Variants in EYS observed in about 807,000 individuals in gnomAD.
The protein encoded by EYS is protein eyes shut homolog.
EYS carries 250 observed loss-of-function variants against 282.1 expected under a neutral mutation model. The observed-to-expected ratio is 0.89, with a 90% confidence interval of 0.80 to 0.98. EYS has a LOEUF of 0.98. Among genes scored for constraint, EYS ranks in the 50% least tolerant of loss-of-function variants. The pLI, the probability that EYS is intolerant of heterozygous loss-of-function variation, is 0.00. For missense variants in EYS, 4,016 were observed against 3,709.0 expected, an observed-to-expected ratio of 1.08 and a Z score of -2.15; for synonymous variants, 1,355 against 1,282.9, an observed-to-expected ratio of 1.06 and a Z score of -1.20.
chr6:65,699,997 C>A (rs947439086), intron 1 of EYS, among the ~76,000 whole-genome samples: 16 of 151,092 alleles, frequency 1.1e-4, no homozygotes, highest in African/African-American at 3.9e-4. Context: ...CGCCTGTAGT[C>A]CCAGCTAGTC....
At chr6:65,569,324 G>A (rs920476535) in intron 2 of EYS, among the ~76,000 whole-genome samples, 5 of 151,594 alleles carry the variant, frequency 3.3e-5, no homozygotes, top group Non-Finnish European at 7.4e-5. Flanking sequence ...ACTCTTTTTC[G>A]GACTCAGCCC....
At chr6:65,365,437 G>A (rs1030782568) in intron 8 of EYS, among the ~76,000 whole-genome samples, 1 of 151,618 alleles carries the variant, frequency 6.6e-6, no homozygotes, top group African/African-American at 2.4e-5. Flanking sequence ...CTCCCCCTGT[G>A]TGAGTGCGTA....
At chr6:64,597,668 G>T (rs981555614) in intron 24 of EYS, among the ~76,000 whole-genome samples, 3 of 151,216 alleles carry the variant, frequency 2.0e-5, no homozygotes, top group Non-Finnish European at 2.9e-5. Context: ...GTGTACATAT[G>T]GACATAGAGT....
At chr6:63,794,861 T>C (rs934905557) in intron 37 of EYS, among the ~76,000 whole-genome samples, 4 of 152,296 alleles carry the variant, frequency 2.6e-5, no homozygotes, top group African/African-American at 9.6e-5. Flanking sequence ...TGAATCTTAA[T>C]GAAATCAGCC....
chr6:65,382,784 G>T (rs1765667675), intron 8 of EYS, among the ~76,000 whole-genome samples: 1 of 151,846 alleles, frequency 6.6e-6, no homozygotes, highest in Admixed American at 6.6e-5. Flanking sequence ...ATGTTTTTCT[G>T]CCTGCTTTAT....
chr6:63,854,378 C>T (rs1185917217), intron 36 of EYS, among the ~76,000 whole-genome samples: 1 of 152,164 alleles, frequency 6.6e-6, no homozygotes, highest in Admixed American at 6.5e-5. Flanking sequence ...TCCACATGTT[C>T]TCACTTATAA....
intron 30 of EYS, among the ~76,000 whole-genome samples, chr6:64,285,269 A>T (rs1322699587): frequency 6.6e-6 from 1 of 152,158 alleles, no homozygotes; most frequent in Non-Finnish European, 1.5e-5. Context: ...TCACCTCTTG[A>T]ATGCTTTACC....
intron 2 of EYS, among the ~76,000 whole-genome samples, chr6:65,500,440 T>A (rs1766409523): frequency 6.6e-6 from 1 of 152,000 alleles, no homozygotes; most frequent in African/African-American, 2.4e-5. Flanking sequence ...TTCATTATCA[T>A]AATGGTGGTA....
At chr6:65,200,935 A>G (rs1765884712) in intron 12 of EYS, among the ~76,000 whole-genome samples, 1 of 152,182 alleles carries the variant, frequency 6.6e-6, no homozygotes, top group South Asian at 2.1e-4. Context: ...AATGTATTCT[A>G]AAGACTGTTT....
intron 33 of EYS, among the ~76,000 whole-genome samples, chr6:64,041,661 A>G (rs892775601): frequency 6.6e-6 from 1 of 152,234 alleles, no homozygotes; most frequent in Non-Finnish European, 1.5e-5. Context: ...AACAATCTTC[A>G]GTACATACCA....
At chr6:64,695,082 C>G (rs1463811839) in intron 22 of EYS, among the ~76,000 whole-genome samples, 1 of 152,042 alleles carries the variant, frequency 6.6e-6, no homozygotes, top group East Asian at 1.9e-4. Context: ...GAACTGCCTT[C>G]CAACCACTTG....
At chr6:63,767,267 G>C (rs1308022003) in intron 40 of EYS, among the ~76,000 whole-genome samples, 1 of 152,008 alleles carries the variant, frequency 6.6e-6, no homozygotes, top group East Asian at 1.9e-4. Flanking sequence ...AAGATATCCA[G>C]ATAGAAAGAG....
intron 7 of EYS, among the ~76,000 whole-genome samples, chr6:65,385,933 CCTA>C (rs1470086598): frequency 1.1e-4 from 17 of 151,830 alleles, no homozygotes; most frequent in African/African-American, 3.9e-4. Flanking sequence ...TTTAGCATAT[CCTA>C]AAAGTTGATG....
At chr6:65,520,329 T>C (rs1436565635) in intron 2 of EYS, among the ~76,000 whole-genome samples, 1 of 152,114 alleles carries the variant, frequency 6.6e-6, no homozygotes, top group South Asian at 2.1e-4. Flanking sequence ...GTTCTAGACA[T>C]TTAGAAATGT....
chr6:64,025,834 T>C lies in EYS; in HGVS notation c.6726-26651A>G, dbSNP rs370135853. ...CCTCAGGGTATGGCCCTCCACTTCATTTTTGGGGCATAACATCTTTATAGG... is the reference window on the plus strand; with the variant it reads ...CCTCAGGGTATGGCCCTCCACTTCACTTTTGGGGCATAACATCTTTATAGG... On this transcript the variant is annotated intron_variant, in intron 33 of 42. Coordinates refer to ENST00000503581, the MANE Select transcript of EYS (RefSeq NM_001142800.2). Among the ~76,000 whole-genome samples, 8 of 152,292 alleles carry C rather than the reference T, an allele frequency of 5.3e-5. 1 individual carries two copies. The highest frequency in any genetic ancestry group is 1.3e-4 in the Admixed American group (2 of 15,300).
chr6:65,504,062 T>C (rs912702355), intron 2 of EYS, among the ~76,000 whole-genome samples: 7 of 151,690 alleles, frequency 4.6e-5, no homozygotes, highest in African/African-American at 1.2e-4. Context: ...CTTAATTATA[T>C]TGAGGCTCCC....
chr6:65,048,816 C>T (rs900716624), intron 13 of EYS, among the ~76,000 whole-genome samples: 2 of 151,806 alleles, frequency 1.3e-5, no homozygotes, highest in African/African-American at 4.8e-5. Flanking sequence ...CTTTACACAT[C>T]TGAACACCAC....
At chr6:65,637,630 C>T (rs1194928615) in intron 2 of EYS, among the ~76,000 whole-genome samples, 4 of 152,180 alleles carry the variant, frequency 2.6e-5, no homozygotes, top group Non-Finnish European at 5.9e-5. Flanking sequence ...AGTACCTGCT[C>T]CTGCTCCCTG....
intron 13 of EYS, among the ~76,000 whole-genome samples, chr6:65,000,131 T>G (rs1771415148): frequency 6.6e-6 from 1 of 152,122 alleles, no homozygotes; most frequent in South Asian, 2.1e-4. Flanking sequence ...GCTGTAGACA[T>G]TCACCCCTAT....
Sources: gnomAD v4.1 joint callset for allele counts (sites outside exome capture counted in the v4.1 genomes callset) on GRCh38, gnomAD v4.1.1 for gene constraint, MANE v1.5 for transcripts, NCBI Gene and HGNC (gene_info 2026-07-23, HGNC 2026-07-21) for gene names.